ALK: variants seen among roughly 807,000 people sequenced by gnomAD.
ALK encodes the protein ALK receptor tyrosine kinase, also known as ALK tyrosine kinase receptor.
ALK carries 74 observed loss-of-function variants against 163.1 expected under a neutral mutation model. The ratio of observed to expected loss-of-function variants is 0.45; its 90% CI spans 0.38 to 0.55. ALK has a LOEUF of 0.55. Among genes scored for constraint, ALK ranks in the 20% least tolerant of loss-of-function variants. The pLI is 0.00. For missense variants in ALK, 2,063 were observed against 2,105.3 expected, an observed-to-expected ratio of 0.98 and a Z score of 0.39; for synonymous variants, 960 against 843.2, an observed-to-expected ratio of 1.14 and a Z score of -2.40.
chr2:29,788,901 C>A (rs1558488814), intron 1 of ALK, among the ~76,000 whole-genome samples: 1 of 152,148 alleles, frequency 6.6e-6, no homozygotes, highest in Non-Finnish European at 1.5e-5. Context: ...TCTATATTGA[C>A]ACTTCTTTCT....
chr2:29,558,451 G>A (rs550157000), intron 3 of ALK, among the ~76,000 whole-genome samples: 1 of 152,020 alleles, frequency 6.6e-6, no homozygotes, highest in Non-Finnish European at 1.5e-5. Flanking sequence ...TGACCCTTTG[G>A]TTTACTCTGT....
intron 1 of ALK, chr2:29,890,854 G>A (rs540214107): frequency 2.5e-4 from 38 of 152,272 alleles, no homozygotes; most frequent in African/African-American, 9.1e-4. Context: ...GTCTTGGAAG[G>A]AAGCCCCCAA....
At chr2:29,433,800 C>G (rs2148075928) in intron 4 of ALK, among the ~76,000 whole-genome samples, 1 of 152,062 alleles carries the variant, frequency 6.6e-6, no homozygotes, top group Admixed American at 6.5e-5. Flanking sequence ...TGGGTATACC[C>G]AGACTATAAT....
intron 3 of ALK, among the ~76,000 whole-genome samples, chr2:29,675,307 A>G (rs1222733494): frequency 2.6e-5 from 4 of 152,012 alleles, no homozygotes; most frequent in Admixed American, 2.0e-4. Flanking sequence ...TTCACTGTTG[A>G]TGCACATTTA....
chr2:29,298,778 T>G (rs958569525), intron 8 of ALK, among the ~76,000 whole-genome samples: 1 of 152,186 alleles, frequency 6.6e-6, no homozygotes, highest in African/African-American at 2.4e-5. Context: ...TATCCTCCTT[T>G]CTTTTCCTTT....
At chr2:29,752,057 G>T (rs1680378778) in intron 1 of ALK, among the ~76,000 whole-genome samples, 1 of 152,184 alleles carries the variant, frequency 6.6e-6, no homozygotes, top group African/African-American at 2.4e-5. Context: ...TGTCATCAAA[G>T]ACCTTACCTG....
chr2:29,780,521 A>G (rs536279505), intron 1 of ALK, among the ~76,000 whole-genome samples: 1 of 152,362 alleles, frequency 6.6e-6, no homozygotes, highest in South Asian at 2.1e-4. Context: ...TAGTTTTCAA[A>G]GGGCAAAGCT....
intron 3 of ALK, among the ~76,000 whole-genome samples, chr2:29,588,119 C>T (rs1674939549): frequency 6.6e-6 from 1 of 152,214 alleles, no homozygotes; most frequent in Non-Finnish European, 1.5e-5. Context: ...TTTTCTGGGA[C>T]TGTGTCCGTT....
chr2:29,643,524 C>G (rs1470751213), intron 3 of ALK, among the ~76,000 whole-genome samples: 1 of 152,078 alleles, frequency 6.6e-6, no homozygotes, highest in Non-Finnish European at 1.5e-5. Flanking sequence ...AAAATGCTGG[C>G]TAAGAGAATT....
intron 3 of ALK, among the ~76,000 whole-genome samples, chr2:29,598,578 A>T (rs1675283729): frequency 6.6e-6 from 1 of 152,228 alleles, no homozygotes; most frequent in African/African-American, 2.4e-5. Flanking sequence ...AGCAAAGGGC[A>T]TCAGGCTCTG....
intron 3 of ALK, among the ~76,000 whole-genome samples, chr2:29,631,354 A>G (rs1184530026): frequency 6.6e-6 from 1 of 152,216 alleles, no homozygotes; most frequent in African/African-American, 2.4e-5. Context: ...TAAACTCAAA[A>G]CAGTTCAGAT....
At chr2:29,809,965 T>G (rs1664711821) in intron 1 of ALK, among the ~76,000 whole-genome samples, 1 of 152,210 alleles carries the variant, frequency 6.6e-6, no homozygotes, top group African/African-American at 2.4e-5. Flanking sequence ...AGTCCATGGA[T>G]TTCTCATTCC....
Position 29,202,704 on chromosome 2 carries a change from T to C in ALK, c.3938+4467A>G, listed in dbSNP as rs76163238. ...CACTGTTTTTGAGATTTATCTATGT[T>C]GATATATGTAGGTTGTCTTCTTTTA... On this transcript the variant is annotated intron_variant, in intron 26 of 28. Coordinates refer to ENST00000389048, the MANE Select transcript of ALK (RefSeq NM_004304.5). Among the ~76,000 whole-genome samples, 1,019 of 152,376 alleles carry C rather than the reference T, an allele frequency of 6.7e-3. 11 individuals carry two copies. The highest frequency in any genetic ancestry group is 0.023 in the African/African-American group (964 of 41,586).
In ALK at chr2:29,194,159, G is replaced by C. The variant is rs76119545; in HGVS notation, c.4165-237C>G. 0.015 allele frequency among the ~76,000 whole-genome samples: 2,244 copies of C among 152,216 alleles called. 56 individuals are homozygous for C. The highest frequency in any genetic ancestry group is 0.052 in the African/African-American group (2,153 of 41,520). On this transcript the variant is annotated intron_variant, in intron 28 of 28. Coordinates refer to ENST00000389048, the MANE Select transcript of ALK (RefSeq NM_004304.5). ...GAAGTGTGTATGGGTGCCTGGGACA[G>C]AGTGGAGCAGGAAAAGCTTTGCAGA...
chr2:29,459,632 G>A (rs1671038732), intron 4 of ALK, among the ~76,000 whole-genome samples: 1 of 151,906 alleles, frequency 6.6e-6, no homozygotes, highest in African/African-American at 2.4e-5. Flanking sequence ...ACTTCCAGAG[G>A]TAGAGGACTT....
At chr2:29,489,570 G>C in intron 4 of ALK, among the ~76,000 whole-genome samples, 1 of 152,180 alleles carries the variant, frequency 6.6e-6, no homozygotes, top group Non-Finnish European at 1.5e-5. Flanking sequence ...AAAGTATTGG[G>C]ATTACAGGTA....
intron 3 of ALK, among the ~76,000 whole-genome samples, chr2:29,611,316 G>A (rs1304899883): frequency 6.6e-6 from 1 of 152,178 alleles, no homozygotes. Flanking sequence ...GGGCAGAACC[G>A]ACAGTGCATC....
intron 4 of ALK, among the ~76,000 whole-genome samples, chr2:29,493,956 G>A (rs146969871): frequency 2.0e-5 from 3 of 152,326 alleles, no homozygotes; most frequent in Admixed American, 6.5e-5. Flanking sequence ...CAGAGAGGAG[G>A]AGACACAGTG....
At chr2:29,445,582 G>C (rs951861317) in intron 4 of ALK, among the ~76,000 whole-genome samples, 4 of 152,168 alleles carry the variant, frequency 2.6e-5, no homozygotes, top group African/African-American at 9.7e-5. Flanking sequence ...GGAGGCCGAG[G>C]GGGGTGGATC....
Sources: allele counts gnomAD v4.1 joint callset (sites outside exome capture counted in the v4.1 genomes callset), GRCh38; gene constraint gnomAD v4.1.1; transcripts MANE v1.5; gene names NCBI Gene and HGNC (gene_info 2026-07-23, HGNC 2026-07-21).